HEATR5B: variants seen among roughly 807,000 people sequenced by gnomAD.
HEATR5B encodes HEAT repeat containing 5B.
A neutral mutation model predicts 224.1 loss-of-function variants in HEATR5B; 156 were observed. The observed-to-expected ratio is 0.70, with a 90% CI of 0.61 to 0.80. HEATR5B has a LOEUF of 0.80. Ranked by LOEUF, HEATR5B falls within the 30% of genes least tolerant of loss-of-function variation. The probability of loss-of-function intolerance (pLI) is 0.00; values close to 1 mark genes in which losing one functional copy is unlikely to be tolerated. For missense variants in HEATR5B, 2,323 were observed against 2,535.5 expected, an observed-to-expected ratio of 0.92 and a Z score of 1.80; for synonymous variants, 1,027 against 893.0, an observed-to-expected ratio of 1.15 and a Z score of -2.68.
intron 29 of HEATR5B, among the ~76,000 whole-genome samples, chr2:37,006,364 T>C (rs1667414785): frequency 1.3e-5 from 2 of 152,206 alleles, no homozygotes; most frequent in Non-Finnish European, 2.9e-5. Context: ...AAAGCATCTA[T>C]AGCTGGGTGC....
At chr2:37,024,784 T>A (rs565483827) in intron 24 of HEATR5B, among the ~76,000 whole-genome samples, 13 of 152,308 alleles carry the variant, frequency 8.5e-5, no homozygotes, top group African/African-American at 2.4e-4. Flanking sequence ...TATATCAATC[T>A]ACCAAACCAA....
chr2:37,062,612 G>A (rs1671354079), intron 10 of HEATR5B, among the ~76,000 whole-genome samples: 1 of 152,172 alleles, frequency 6.6e-6, no homozygotes, highest in Non-Finnish European at 1.5e-5. Flanking sequence ...ATTTAGCACT[G>A]CTTAGTTCCA....
intron 22 of HEATR5B, among the ~76,000 whole-genome samples, chr2:37,031,415 TTC>T (rs1165798603): frequency 6.7e-6 from 1 of 149,494 alleles, no homozygotes; most frequent in African/African-American, 2.4e-5. Context: ...TTAGCTGTTT[TTC>T]TGTTTTTCTT....
chr2:37,066,431 C>T (rs937332067), intron 8 of HEATR5B, among the ~76,000 whole-genome samples: 5 of 152,164 alleles, frequency 3.3e-5, no homozygotes, highest in African/African-American at 1.2e-4. Context: ...TACTTTATTA[C>T]CATTGCTACT....
chr2:37,084,267 A>G lies in HEATR5B; in HGVS notation c.-23+2T>C, dbSNP rs920748737. 2.8e-5 allele frequency: 11 copies of G among 390,836 alleles called. No individual in the cohort carries two copies. The highest frequency in any genetic ancestry group is 4.5e-5 in the Non-Finnish European group (10 of 221,658). 24.2% of individuals were successfully genotyped at this position (390,836 alleles called of 1,614,324 possible). ...TCAACATGCATGCTTCGGCGACCTC[A>G]CCTCGTAGTCTGGAAGGGAAGATCA... On this transcript the variant is annotated splice_donor_variant, in intron 1 of 35. Transcript: ENST00000233099. LOFTEE classifies it low-confidence loss of function (5UTR_SPLICE).
chr2:36,993,927 G>A (rs922149922), intron 33 of HEATR5B, among the ~76,000 whole-genome samples: 1 of 151,990 alleles, frequency 6.6e-6, no homozygotes, highest in Non-Finnish European at 1.5e-5. Flanking sequence ...CAAAGGCTGA[G>A]GAACTGCCCC....
chr2:37,070,163 A>G (rs144268682), intron 7 of HEATR5B, 67 bp downstream of exon 7: 70,429 of 1,495,874 alleles, frequency 0.047, 1,924 homozygotes, highest in Non-Finnish European at 0.054. Flanking sequence ...GCCTCCAAAA[A>G]TGCTGGGATT....
intron 22 of HEATR5B, among the ~76,000 whole-genome samples, chr2:37,029,895 T>C (rs1017076475): frequency 2.7e-5 from 4 of 150,942 alleles, no homozygotes; most frequent in African/African-American, 9.8e-5. Context: ...CCCGAGACCG[T>C]GCCACTACAC....
At chr2:37,000,129 G>C (rs1428962337) in intron 33 of HEATR5B, among the ~76,000 whole-genome samples, 2 of 151,970 alleles carry the variant, frequency 1.3e-5, no homozygotes, top group Admixed American at 6.6e-5. Flanking sequence ...CGAGCCTGGA[G>C]TGCAGTGGTG....
intron 26 of HEATR5B, among the ~76,000 whole-genome samples, chr2:37,018,375 CA>C (rs1432932926): frequency 6.6e-6 from 1 of 152,146 alleles, no homozygotes; most frequent in Non-Finnish European, 1.5e-5. Flanking sequence ...TACATATGGA[CA>C]GTAATTTTTT....
At chr2:37,057,728 G>C (rs940988130) in intron 14 of HEATR5B, among the ~76,000 whole-genome samples, 2 of 151,978 alleles carry the variant, frequency 1.3e-5, no homozygotes, top group African/African-American at 2.4e-5. Context: ...AGAGGAAAGA[G>C]AGGCGGGTGC....
chr2:37,008,031 T>G (rs548522429), intron 28 of HEATR5B: 5 of 154,864 alleles, frequency 3.2e-5, no homozygotes, highest in African/African-American at 1.2e-4. Context: ...ACTGAGGACT[T>G]CCTCATCACT....
intron 33 of HEATR5B, among the ~76,000 whole-genome samples, chr2:36,995,800 T>C (rs569835065): frequency 6.6e-6 from 1 of 152,330 alleles, no homozygotes; most frequent in East Asian, 1.9e-4. Context: ...CCAGATATAG[T>C]TATCACACAT....
chr2:37,034,082 G>T (rs970265217), intron 21 of HEATR5B, among the ~76,000 whole-genome samples: 9 of 151,938 alleles, frequency 5.9e-5, no homozygotes, highest in Non-Finnish European at 8.8e-5. Flanking sequence ...TATAGCATTT[G>T]TAATTCAAGA....
At chr2:37,058,332 TA>T (rs1405353590) in intron 14 of HEATR5B, 118 bp downstream of exon 14, 3 of 626,482 alleles carry the variant, frequency 4.8e-6, no homozygotes, top group Non-Finnish European at 8.7e-6. Context: ...TGAAGAAAAA[TA>T]AAATGGTGGC....
At chr2:37,076,116 G>A (rs1346009402) in intron 4 of HEATR5B, 1 of 134,472 alleles carries the variant, frequency 7.4e-6, no homozygotes, top group African/African-American at 2.7e-5. Context: ...TATTCTCATA[G>A]TGCTTATTGT....
At position 37,006,794 on chromosome 2, in the gene HEATR5B, T is replaced by C. The variant is rs62133082; in HGVS notation, c.4777+256A>G. ...AACCTGTTGTTGAATAAAAAACATA[T>C]TACGTTTTTTTACTGAAAATTGTTC... is the stretch of plus-strand genomic sequence containing the variant. On this transcript the variant is annotated intron_variant, in intron 29 of 35. Coordinates refer to ENST00000233099, the MANE Select transcript of HEATR5B (RefSeq NM_019024.3). Among the ~76,000 whole-genome samples the C allele has an allele frequency of 0.18, 27,789 of 152,250 alleles. 3,234 individuals carry two copies. Among genetic ancestry groups the C allele is most frequent in the East Asian group, 0.53 (2,736 of 5,182 alleles).
At chr2:37,073,938 T>A (rs1672065182) in intron 5 of HEATR5B, among the ~76,000 whole-genome samples, 1 of 151,716 alleles carries the variant, frequency 6.6e-6, no homozygotes, top group South Asian at 2.1e-4. Flanking sequence ...GCACAGAGAG[T>A]CCAAAATTAT....
chr2:37,022,183 A>AT lies in HEATR5B; in HGVS notation c.3854-1348dup, dbSNP rs35822963. Among the ~76,000 whole-genome samples, 140 of 146,166 alleles carry AT rather than the reference A, an allele frequency of 9.6e-4. No individual in the cohort carries two copies. The South Asian group carries it at 0.013, about 14-fold the overall frequency. On this transcript the variant is annotated intron_variant, in intron 24 of 35. Coordinates refer to ENST00000233099, the MANE Select transcript of HEATR5B (RefSeq NM_019024.3). ...ATAGGCTATATTATCTCTTTTTATC[A>AT]TTTTTTTTTTTGAGATGGAGTATTG...
Sources: gnomAD v4.1 joint callset for allele counts (sites outside exome capture counted in the v4.1 genomes callset) on GRCh38, gnomAD v4.1.1 for gene constraint, MANE v1.5 for transcripts, NCBI Gene and HGNC (gene_info 2026-07-23, HGNC 2026-07-21) for gene names.